Variants in MMP16 observed in about 807,000 individuals in gnomAD.
The protein encoded by MMP16 is matrix metallopeptidase 16, also known as matrix metalloproteinase-16.
MMP16 carries 12 observed loss-of-function variants against 67.8 expected under a neutral mutation model. The ratio of observed to expected loss-of-function variants is 0.18; its 90% CI spans 0.11 to 0.29. The LOEUF (loss-of-function observed/expected upper bound fraction) is 0.29. Ranked by LOEUF, MMP16 falls within the 10% of genes least tolerant of loss-of-function variation. MMP16 has a pLI of 1.00. For synonymous variants in MMP16, 249 were observed against 255.9 expected, an observed-to-expected ratio of 0.97 and a Z score of 0.26; for missense variants, 475 against 765.7, an observed-to-expected ratio of 0.62 and a Z score of 4.48.
At chr8:88,044,317 A>G (rs1216135956) in intron 9 of MMP16, among the ~76,000 whole-genome samples, 1 of 152,196 alleles carries the variant, frequency 6.6e-6, no homozygotes, top group Non-Finnish European at 1.5e-5. Context: ...CCTGTCTCAG[A>G]AAACAAATGT....
chr8:88,048,310 C>T (rs1808224363), intron 8 of MMP16, among the ~76,000 whole-genome samples: 2 of 152,162 alleles, frequency 1.3e-5, no homozygotes, highest in Admixed American at 1.3e-4. Context: ...CCTTCACAGG[C>T]TAGTCCGTGA....
chr8:88,080,835 C>A (rs1808737653), intron 6 of MMP16, among the ~76,000 whole-genome samples: 1 of 151,986 alleles, frequency 6.6e-6, no homozygotes, highest in African/African-American at 2.4e-5. Flanking sequence ...ATTGGGTATG[C>A]AACAATACCG....
intron 3 of MMP16, among the ~76,000 whole-genome samples, chr8:88,175,991 T>C (rs1156472876): frequency 6.6e-6 from 1 of 152,168 alleles, no homozygotes; most frequent in Non-Finnish European, 1.5e-5. Flanking sequence ...GAACTGTGAG[T>C]CCATTAAACT....
chr8:88,255,932 T>C (rs1007465564), intron 1 of MMP16, among the ~76,000 whole-genome samples: 2 of 152,172 alleles, frequency 1.3e-5, no homozygotes, highest in African/African-American at 4.8e-5. Flanking sequence ...GATGCTGGAT[T>C]CATTTTCTCC....
intron 1 of MMP16, among the ~76,000 whole-genome samples, chr8:88,246,275 T>A (rs1442164746): frequency 6.6e-6 from 1 of 152,210 alleles, no homozygotes; most frequent in East Asian, 1.9e-4. Flanking sequence ...ATAGACCAAG[T>A]ATTTTTGTAA....
In MMP16 at chr8:88,173,825, CA is replaced by C. The variant is rs1487870817; in HGVS notation, c.405-5853del. 3.9e-5 allele frequency among the ~76,000 whole-genome samples: 6 copies of C among 152,312 alleles called. No homozygotes were observed. In the South Asian group the frequency reaches 6.2e-4, roughly 16 times the overall value. ...GAGTCCCTCCAGGAAACCTTCCTTACATTAAATATTTGGCTATTTCCCAAGA... is the reference window on the plus strand; with the variant it reads ...GAGTCCCTCCAGGAAACCTTCCTTACTTAAATATTTGGCTATTTCCCAAGA... On this transcript the variant is annotated intron_variant, in intron 3 of 9. Coordinates refer to ENST00000286614, the MANE Select transcript of MMP16 (RefSeq NM_005941.5).
At chr8:88,112,144 T>C (rs1386238013) in intron 6 of MMP16, among the ~76,000 whole-genome samples, 3 of 151,614 alleles carry the variant, frequency 2.0e-5, no homozygotes, top group Non-Finnish European at 3.0e-5. Context: ...TAGCCTTTGC[T>C]TACTCCTCTT....
At chr8:88,204,792 C>A (rs948936419) in intron 1 of MMP16, among the ~76,000 whole-genome samples, 5 of 152,172 alleles carry the variant, frequency 3.3e-5, no homozygotes, top group African/African-American at 1.2e-4. Context: ...ATGTGCCACA[C>A]TTACTCTCCT....
At chr8:88,292,526 G>C (rs922333606) in intron 1 of MMP16, among the ~76,000 whole-genome samples, 3 of 152,164 alleles carry the variant, frequency 2.0e-5, no homozygotes, top group African/African-American at 7.2e-5. Flanking sequence ...CAAATTGCAG[G>C]ATGAGAAAAA....
intron 6 of MMP16, among the ~76,000 whole-genome samples, chr8:88,093,032 G>A (rs1337726618): frequency 6.6e-6 from 1 of 151,648 alleles, no homozygotes; most frequent in African/African-American, 2.4e-5. Flanking sequence ...CAGTATAAAC[G>A]GAGGTTTTGC....
chr8:88,318,948 C>G (rs1315938435), intron 1 of MMP16, among the ~76,000 whole-genome samples: 1 of 152,096 alleles, frequency 6.6e-6, no homozygotes, highest in Non-Finnish European at 1.5e-5. Context: ...AGCGGGAATT[C>G]AGGGACTGAG....
chr8:88,148,900 G>GAAGA (rs1254803832), intron 4 of MMP16, among the ~76,000 whole-genome samples: 1 of 152,224 alleles, frequency 6.6e-6, no homozygotes, highest in Non-Finnish European at 1.5e-5. Context: ...ACAGCTCCCA[G>GAAGA]CGTGAGCGAC....
At chr8:88,277,850 C>G (rs1810672623) in intron 1 of MMP16, among the ~76,000 whole-genome samples, 2 of 152,136 alleles carry the variant, frequency 1.3e-5, no homozygotes, top group African/African-American at 4.8e-5. Context: ...TTTTGAGAAA[C>G]TAAATAAGAC....
At chr8:88,170,020 G>A (rs1808774132) in intron 3 of MMP16, among the ~76,000 whole-genome samples, 2 of 152,170 alleles carry the variant, frequency 1.3e-5, no homozygotes, top group Admixed American at 6.5e-5. Context: ...AAAAATCCAG[G>A]TGAGAGATGA....
intron 1 of MMP16, among the ~76,000 whole-genome samples, chr8:88,304,787 C>T (rs1313810233): frequency 6.6e-6 from 1 of 152,140 alleles, no homozygotes; most frequent in African/African-American, 2.4e-5. Flanking sequence ...CACAAGAGCT[C>T]CTGAAGGAAG....
intron 1 of MMP16, among the ~76,000 whole-genome samples, chr8:88,255,942 C>T (rs1810294499): frequency 6.6e-6 from 1 of 152,120 alleles, no homozygotes; most frequent in Non-Finnish European, 1.5e-5. Flanking sequence ...TCATTTTCTC[C>T]TACTGTTATC....
At chr8:88,142,566 A>G (rs1808229694) in intron 4 of MMP16, among the ~76,000 whole-genome samples, 1 of 152,156 alleles carries the variant, frequency 6.6e-6, no homozygotes, top group Non-Finnish European at 1.5e-5. Flanking sequence ...AAAAATTTAC[A>G]CAAAGATATT....
At chr8:88,099,650 C>G (rs1432728427) in intron 6 of MMP16, among the ~76,000 whole-genome samples, 1 of 151,724 alleles carries the variant, frequency 6.6e-6, no homozygotes, top group Non-Finnish European at 1.5e-5. Flanking sequence ...CGTATCCTGA[C>G]TTTTAGTCCA....
At chr8:88,291,597 A>G (rs531817008) in intron 1 of MMP16, among the ~76,000 whole-genome samples, 1 of 152,314 alleles carries the variant, frequency 6.6e-6, no homozygotes, top group African/African-American at 2.4e-5. Flanking sequence ...AGAGACACAC[A>G]TTTTCAGTAG....
Sources: gnomAD v4.1 joint callset for allele counts (sites outside exome capture counted in the v4.1 genomes callset) on GRCh38, gnomAD v4.1.1 for gene constraint, MANE v1.5 for transcripts, NCBI Gene and HGNC (gene_info 2026-07-23, HGNC 2026-07-21) for gene names.